The following PUS7 variants were observed in gnomAD, a reference collection of about 807,000 sequenced individuals.
PUS7 encodes the protein pseudouridylate synthase 7 homolog.
Under a neutral mutation model 79.8 loss-of-function variants are expected in PUS7, and 48 were observed. The ratio of observed to expected loss-of-function variants is 0.60; its 90% CI spans 0.48 to 0.76. The LOEUF (loss-of-function observed/expected upper bound fraction) is 0.76, where lower values mean the gene tolerates loss of function less well. Ranked by LOEUF, PUS7 falls within the 30% of genes least tolerant of loss-of-function variation. PUS7 has a pLI of 0.00. For missense variants in PUS7, 729 were observed against 797.6 expected (o/e 0.91, Z 1.04); for synonymous variants, 286 against 272.2 (o/e 1.05, Z -0.50).
intron 8 of PUS7, 71 bp from the exon 9 acceptor site, chr7:105,481,248 A>T: frequency 7.2e-7 from 1 of 1,384,316 alleles, no homozygotes; most frequent in Non-Finnish European, 9.7e-7. Flanking sequence ...CTCATAAATG[A>T]CTACGGCCTG....
Position 105,457,837 on chromosome 7 carries a change from T to C in PUS7, c.1939A>G (p.Thr647Ala). 6.2e-7 allele frequency: 1 copy of C among 1,614,176 alleles called. No homozygotes were observed. Among genetic ancestry groups the C allele is most frequent in the Non-Finnish European group, 8.5e-7 (1 of 1,180,024 alleles). ...AGCTGCGTCTGGTTCTTGATACTGGTATCCATTTTTAGCACTTCTCGAATG... is the reference window on the plus strand; with the variant it reads ...AGCTGCGTCTGGTTCTTGATACTGGCATCCATTTTTAGCACTTCTCGAATG... ...MAIREVLKMDTSIKNQTQLNT... is the reference protein window; with the variant it reads ...MAIREVLKMDASIKNQTQLNT... Residue 647 changes from threonine (T) to alanine (A), a missense_variant, in exon 16 of 16, where the codon ACC (threonine) becomes GCC (alanine). Transcript: ENST00000469408.
chr7:105,488,371 C>T (rs1441799264), intron 7 of PUS7, among the ~76,000 whole-genome samples: 6 of 151,864 alleles, frequency 4.0e-5, no homozygotes, highest in Non-Finnish European at 2.9e-5. Flanking sequence ...ATTGGTACCA[C>T]TTTTTTGCAG....
At chr7:105,518,971 T>A (rs1405987506) in intron 1 of PUS7, among the ~76,000 whole-genome samples, 1 of 151,990 alleles carries the variant, frequency 6.6e-6, no homozygotes, top group Non-Finnish European at 1.5e-5. Context: ...GCTTTCACCG[T>A]GTTATCCAAG....
intron 1 of PUS7, 46 bp from the exon 2 acceptor site, chr7:105,508,590 G>A: frequency 1.3e-6 from 2 of 1,536,842 alleles, no homozygotes; most frequent in East Asian, 4.5e-5. Flanking sequence ...ATAAAAGCTG[G>A]TTTCAGGCCG....
rs773937432 is a variant in PUS7 at position 105,502,481 on chromosome 7, C to T, written c.669G>A (p.Glu223=). Residue 223 remains glutamate, a synonymous_variant, in exon 5 of 16, where the codon GAG becomes GAA. Transcript: ENST00000469408. The part of the protein sequence containing the change: ...SLFPGLETKT[E]DREGKKYIVA... ...CAATGTATTTCTTCCCCTCCCTATC[C>T]TCTGTTTTTGTCTCTAATCCTGGAA... is the stretch of plus-strand genomic sequence containing the variant. 1.2e-6 allele frequency: 2 copies of T among 1,614,122 alleles called. No individual in the cohort carries two copies. The highest frequency in any genetic ancestry group is 1.7e-6 in the Non-Finnish European group (2 of 1,179,998).
chr7:105,459,834 CG>C (rs1474833044), intron 14 of PUS7, among the ~76,000 whole-genome samples: 4 of 152,112 alleles, frequency 2.6e-5, no homozygotes, highest in African/African-American at 9.7e-5. Flanking sequence ...ACACTTTGGG[CG>C]GCCGAGGTGG....
chr7:105,484,983 T>C (rs1434719486), intron 7 of PUS7, among the ~76,000 whole-genome samples: 2 of 150,542 alleles, frequency 1.3e-5, no homozygotes, highest in Admixed American at 6.6e-5. Context: ...CTGCCCTGGC[T>C]TCCTGAGTAG....
At chr7:105,474,360 T>C (rs1823995298) in intron 9 of PUS7, among the ~76,000 whole-genome samples, 1 of 151,982 alleles carries the variant, frequency 6.6e-6, no homozygotes. Flanking sequence ...AGTCCTGGGG[T>C]GATAAATTAT....
At position 105,479,715 on chromosome 7, in the gene PUS7, G is replaced by A. The variant is rs545538939; in HGVS notation, c.1175+1337C>T. On this transcript the variant is annotated intron_variant, in intron 9 of 15. Transcript: ENST00000469408. ...ACATTCTTTAAAGAGTGAGGGAAGG[G>A]GCCCAGGCACAGTGGCTCATGCCTG... Among the ~76,000 whole-genome samples the A allele has an allele frequency of 4.6e-5, 7 of 152,212 alleles. No homozygotes were observed. In the South Asian group the frequency reaches 1.0e-3, roughly 23 times the overall value.
intron 2 of PUS7, among the ~76,000 whole-genome samples, chr7:105,506,705 G>C (rs1187467224): frequency 1.3e-5 from 2 of 151,892 alleles, no homozygotes; most frequent in Admixed American, 6.6e-5. Flanking sequence ...TTACAGGCGT[G>C]AATCACCACA....
Position 105,457,892 on chromosome 7 carries a change from A to G in PUS7, c.1884T>C (p.Ser628=). The G allele has an allele frequency of 6.2e-7, 1 of 1,614,050 alleles. No homozygotes were observed. Among genetic ancestry groups the G allele is most frequent in the East Asian group, 2.2e-5 (1 of 44,880 alleles). Residue 628 remains serine (S), a synonymous_variant, in exon 16 of 16, where the codon TCT becomes TCC. Coordinates refer to ENST00000469408, the MANE Select transcript of PUS7 (RefSeq NM_019042.5). Reference sequence around the variant, plus strand: ...TGGTGGCGTAAGTAGAAGGGGGTAGAGAAAAATCCATTTTCAGAGCCCTGT... The same window carrying G: ...TGGTGGCGTAAGTAGAAGGGGGTAGGGAAAAATCCATTTTCAGAGCCCTGT... ...GKYRALKMDF[S]LPPSTYATMA... is the part of the protein sequence containing the mutation.
At chr7:105,474,891 C>G (rs1371702070) in intron 9 of PUS7, among the ~76,000 whole-genome samples, 2 of 152,138 alleles carry the variant, frequency 1.3e-5, no homozygotes, top group Non-Finnish European at 2.9e-5. Flanking sequence ...AACAGCCATG[C>G]TCATTGCTTT....
chr7:105,464,181 T>C (rs974112054), intron 13 of PUS7, among the ~76,000 whole-genome samples: 4 of 152,220 alleles, frequency 2.6e-5, no homozygotes, highest in Non-Finnish European at 4.4e-5. Flanking sequence ...CCCAAAAGGT[T>C]TAAGAGAGAA....
Position 105,472,983 on chromosome 7 carries a change from G to A in PUS7, c.1176-790C>T, listed in dbSNP as rs535062447. Among the ~76,000 whole-genome samples, 4 of 143,568 alleles carry A rather than the reference G, an allele frequency of 2.8e-5. No homozygotes were observed. The South Asian group carries it at 6.6e-4, about 24-fold the overall frequency. The allele number at this position is 143,568 out of a possible 152,430, so 94.2% of individuals were successfully genotyped here. On this transcript the variant is annotated intron_variant, in intron 9 of 15. Transcript: ENST00000469408. ...TCACCATATTGGTCAGGCTGGTCTC[G>A]AACTCCTGACCTTGTGACCCACCCG...
At chr7:105,502,599 T>A (rs759139849) in intron 4 of PUS7, 35 bp from the exon 5 acceptor site, 1 of 1,603,814 alleles carries the variant, frequency 6.2e-7, no homozygotes, top group Admixed American at 1.7e-5. Flanking sequence ...ACCACCAAGT[T>A]AACAAACATT....
At position 105,502,522 on chromosome 7, in the gene PUS7, C is replaced by T; in HGVS notation, c.628G>A (p.Ala210Thr). The change falls in exon 5 of 16, where the codon GCT (alanine) becomes ACT (threonine). Residue 210 changes from alanine (A) to threonine (T), a missense_variant. Transcript: ENST00000469408. Reference protein sequence around the residue: ...TKEKRTIIHQAIKSLFPGLET... With the variant: ...TKEKRTIIHQTIKSLFPGLET... ...AATCCTGGAAACAGAGATTTGATAG[C>T]CTGATGGATGATGGTTCTTTTCTCT... 2.5e-6 allele frequency: 4 copies of T among 1,613,992 alleles called. No individual in the cohort carries two copies.
intron 7 of PUS7, among the ~76,000 whole-genome samples, chr7:105,485,951 T>C (rs1319483308): frequency 6.6e-6 from 1 of 151,862 alleles, no homozygotes; most frequent in Non-Finnish European, 1.5e-5. Flanking sequence ...TGCACCACCA[T>C]GCCTGCCCAC....
At chr7:105,463,156 T>G (rs567875792) in intron 13 of PUS7, among the ~76,000 whole-genome samples, 7 of 152,166 alleles carry the variant, frequency 4.6e-5, no homozygotes, top group African/African-American at 1.7e-4. Context: ...ATAAGAGACC[T>G]TGGAAAACCA....
chr7:105,469,766 T>C (rs928435432), intron 11 of PUS7, among the ~76,000 whole-genome samples: 1 of 152,234 alleles, frequency 6.6e-6, no homozygotes, highest in Non-Finnish European at 1.5e-5. Flanking sequence ...GCCTGTTTTG[T>C]ATTTTTAGTA....
Sources: allele counts gnomAD v4.1 joint callset (sites outside exome capture counted in the v4.1 genomes callset), GRCh38; gene constraint gnomAD v4.1.1; transcripts MANE v1.5; gene names NCBI Gene and HGNC (gene_info 2026-07-23, HGNC 2026-07-21).